Variants in CKAP4 observed in about 807,000 individuals in gnomAD.
The protein encoded by CKAP4 is cytoskeleton associated protein 4.
CKAP4 carries 20 observed loss-of-function variants against 24.4 expected under a neutral mutation model. That is an observed-to-expected ratio of 0.82 (90% CI 0.58 to 1.19). The LOEUF is 1.19. Ranked by LOEUF, CKAP4 falls within the 50% of genes most tolerant of loss-of-function variation. The pLI is 0.00. For synonymous variants in CKAP4, 378 were observed against 351.7 expected (o/e 1.07, Z -0.84); for missense variants, 744 against 765.3 (o/e 0.97, Z 0.33).
Position 106,239,288 on chromosome 12 carries a change from A to C in CKAP4, c.1545T>G (p.Ser515Arg). Residue 515 changes from serine to arginine, a missense_variant, in exon 2 of 2, where the codon AGT becomes AGG. Physicochemically the swap from Ser to Arg is moderately radical, Grantham distance 110 (BLOSUM62 -1). Around this residue, in one of 3 missense-constraint regions of CKAP4, gnomAD observed 401 missense variants for 424.5 expected, o/e 0.94. Transcript: ENST00000378026. This position sits in a 1 kb window ranked among gnomAD's most constrained non-coding sequence, Gnocchi z 4.9. ...GACGGGCGGCCTGGGCTTGGTCCTGACTGAGCAGCGTGTGCACCTGCTCCT... is the reference window on the plus strand; with the variant it reads ...GACGGGCGGCCTGGGCTTGGTCCTGCCTGAGCAGCGTGTGCACCTGCTCCT... ...KVQEQVHTLLSQDQAQAARLP... is the reference protein window; with the variant it reads ...KVQEQVHTLLRQDQAQAARLP... 6.2e-7 allele frequency: 1 copy of C among 1,612,280 alleles called. No homozygotes were observed. The highest frequency in any genetic ancestry group is 1.3e-5 in the African/African-American group (1 of 75,038).
rs2033921409 is a variant in CKAP4, at chr12:106,237,992, G to GGTTTT, written c.*1031_*1032insAAAAC. 4 of 70,512 alleles carry GGTTTT rather than the reference G, an allele frequency of 5.7e-5. No homozygotes were observed. Among genetic ancestry groups the GGTTTT allele is most frequent in the African/African-American group, 2.5e-4 (4 of 16,246 alleles). 4.4% of individuals were successfully genotyped at this position (70,512 alleles called of 1,614,324 possible). ...TTTTTTTTTTTTTTTTACTTTTCGGGTTTTTTTTTTTTTTTTTTTTTCAAT... is the reference window on the plus strand; with the variant it reads ...TTTTTTTTTTTTTTTTACTTTTCGGGGTTTTTTTTTTTTTTTTTTTTTTTTTCAAT... On this transcript the variant is annotated 3_prime_UTR_variant, in exon 2 of 2. Transcript: ENST00000378026.
intron 1 of CKAP4, among the ~76,000 whole-genome samples, chr12:106,240,739 T>C (rs1592897105): frequency 6.6e-6 from 1 of 151,188 alleles, no homozygotes; most frequent in Non-Finnish European, 1.5e-5. Context: ...GTCCCCATCA[T>C]GCAGAAGAGA....
chr12:106,247,353 G>A lies in CKAP4; in HGVS notation c.483+16C>T, dbSNP rs773158309. 1 of 1,519,000 alleles carries A rather than the reference G, an allele frequency of 6.6e-7. No individual in the cohort carries two copies. The highest frequency in any genetic ancestry group is 1.2e-5 in the South Asian group (1 of 83,198). The allele number at this position is 1,519,000 out of a possible 1,614,324, so 94.1% of individuals were successfully genotyped here. ...CCGCAGTCGATGGGGACAGTTGCGG[G>A]GCCGGGGGTACCCACCTTCTGCTCG... On this transcript the variant is annotated intron_variant, in intron 1 of 1. Transcript: ENST00000378026. The surrounding 1 kb of genome is among the most constrained non-coding windows in gnomAD (Gnocchi z 4.5).
intron 1 of CKAP4, chr12:106,246,972 A>G (rs779505009): frequency 1.1e-4 from 18 of 170,080 alleles, no homozygotes; most frequent in Non-Finnish European, 1.9e-4. Context: ...TTCCCTTCCA[A>G]CCTCCTTTTC....
chr12:106,239,180 T>C lies in CKAP4; in HGVS notation c.1653A>G (p.Lys551=). 1 of 1,614,154 alleles carries C rather than the reference T, an allele frequency of 6.2e-7. No individual in the cohort carries two copies. Among genetic ancestry groups the C allele is most frequent in the East Asian group, 2.2e-5 (1 of 44,888 alleles). ...ASVSQVEADL[K]MLRTAVDSLV... ...AACTGTCCACAGCAGTCCTGAGCAT[T>C]TTCAAGTCCGCCTCCACTTGGCTGA... is the stretch of plus-strand genomic sequence containing the variant. Residue 551 remains lysine, a synonymous_variant, in exon 2 of 2, where the codon AAA becomes AAG. Coordinates refer to ENST00000378026, the MANE Select transcript of CKAP4 (RefSeq NM_006825.4). This position sits in a 1 kb window ranked among gnomAD's most constrained non-coding sequence, Gnocchi z 4.9.
chr12:106,237,992 G>GTTTTTTTTTTTTTTTT lies in CKAP4; in HGVS notation c.*1016_*1031dup. The GTTTTTTTTTTTTTTTT allele has an allele frequency of 5.7e-5, 4 of 70,512 alleles. No homozygotes were observed. Among genetic ancestry groups the GTTTTTTTTTTTTTTTT allele is most frequent in the Non-Finnish European group, 7.2e-5 (3 of 41,606 alleles). 4.4% of individuals were successfully genotyped at this position (70,512 alleles called of 1,614,324 possible). On this transcript the variant is annotated 3_prime_UTR_variant, in exon 2 of 2. Transcript: ENST00000378026. ...TTTTTTTTTTTTTTTTACTTTTCGG[G>GTTTTTTTTTTTTTTTT]TTTTTTTTTTTTTTTTTTTTTCAAT...
At chr12:106,241,613 G>A (rs1025078865) in intron 1 of CKAP4, among the ~76,000 whole-genome samples, 4 of 152,122 alleles carry the variant, frequency 2.6e-5, no homozygotes, top group Admixed American at 1.3e-4. Context: ...GATTACAGGC[G>A]TGAGCCACCG....
chr12:106,245,637 C>T (rs1222119485), intron 1 of CKAP4: 3 of 147,212 alleles, frequency 2.0e-5, no homozygotes, highest in African/African-American at 5.1e-5. Context: ...CTCTGTTGCC[C>T]CGGCTGGGGT....
chr12:106,247,911 C>G lies in CKAP4; in HGVS notation c.-60G>C. 10 of 988,046 alleles carry G rather than the reference C, an allele frequency of 1.0e-5. No individual in the cohort carries two copies. The highest frequency in any genetic ancestry group is 1.2e-5 in the Non-Finnish European group (10 of 826,508). 61.2% of individuals were successfully genotyped at this position (988,046 alleles called of 1,614,324 possible). ...GAGGCGAGCGAGCGCGGCGCGCGGC[C>G]CGGGAAACTTGCAGGGGCTCCCCCG... On this transcript the variant is annotated 5_prime_UTR_variant, in exon 1 of 2. Coordinates refer to ENST00000378026, the MANE Select transcript of CKAP4 (RefSeq NM_006825.4). The surrounding 1 kb of genome is among the most constrained non-coding windows in gnomAD (Gnocchi z 4.5).
intron 1 of CKAP4, among the ~76,000 whole-genome samples, chr12:106,242,819 G>T (rs1272343717): frequency 6.6e-6 from 1 of 152,192 alleles, no homozygotes; most frequent in African/African-American, 2.4e-5. Context: ...TGATGAGCTG[G>T]TCCATGTCTC....
chr12:106,245,094 T>C (rs909999583), intron 1 of CKAP4, among the ~76,000 whole-genome samples: 3 of 152,166 alleles, frequency 2.0e-5, no homozygotes, highest in Non-Finnish European at 4.4e-5. Flanking sequence ...GACTCTGCCA[T>C]TGGCAGGGTA....
rs1592896886 is a variant in CKAP4, at chr12:106,240,174, T to C, written c.659A>G (p.His220Arg). ...CCGCTCCCGGGCGTCCTTCACCACATGGATCCCATCCGAGAGGTCTTTGAG... is the reference window on the plus strand; with the variant it reads ...CCGCTCCCGGGCGTCCTTCACCACACGGATCCCATCCGAGAGGTCTTTGAG... ...EILKDLSDGI[H>R]VVKDARERDF... is the part of the protein sequence containing the mutation. Residue 220 changes from histidine (H) to arginine (R), a missense_variant, in exon 2 of 2, where the codon CAT becomes CGT. Physicochemically the swap from His to Arg is conservative, Grantham distance 29 (BLOSUM62 0). This residue lies in a region of CKAP4 where 43 missense variants were observed against 76.4 expected (regional missense o/e 0.56). Coordinates refer to ENST00000378026, the MANE Select transcript of CKAP4 (RefSeq NM_006825.4). 6.2e-7 allele frequency: 1 copy of C among 1,614,236 alleles called. No individual in the cohort carries two copies. The highest frequency in any genetic ancestry group is 8.5e-7 in the Non-Finnish European group (1 of 1,180,038).
At chr12:106,242,058 G>C (rs1285093856) in intron 1 of CKAP4, among the ~76,000 whole-genome samples, 1 of 152,198 alleles carries the variant, frequency 6.6e-6, no homozygotes, top group Admixed American at 6.5e-5. Flanking sequence ...ACGGTCTCTG[G>C]AGCCAGACTG....
chr12:106,240,030 T>C lies in CKAP4; in HGVS notation c.803A>G (p.Asp268Gly). 1 of 1,614,152 alleles carries C rather than the reference T, an allele frequency of 6.2e-7. No individual in the cohort carries two copies. The highest frequency in any genetic ancestry group is 8.5e-7 in the Non-Finnish European group (1 of 1,180,028). The change falls in exon 2 of 2, where the codon GAC becomes GGC. Residue 268 changes from aspartate to glycine, a missense_variant. By Grantham distance (94) the Asp-to-Gly change is moderately conservative. Transcript: ENST00000378026. ...VQKRSQKEIN[D>G]MKAKVASLEE... ...CAGGGAGGCAACCTTTGCCTTCATGTCATTGATCTCCTTCTGGCTCCTCTT... is the reference window on the plus strand; with the variant it reads ...CAGGGAGGCAACCTTTGCCTTCATGCCATTGATCTCCTTCTGGCTCCTCTT...
Position 106,239,753 on chromosome 12 carries a change from C to T in CKAP4, c.1080G>A (p.Glu360=), listed in dbSNP as rs1565948439. ...CCTCCGGGAGGCGGGAGACGGACTC[C>T]TCAGACCTGAGAAGCTTCTCCGTGA... is the stretch of plus-strand genomic sequence containing the variant. The part of the protein sequence containing the change: ...QALTEKLLRS[E]ESVSRLPEEI... The change falls in exon 2 of 2, where the codon GAG becomes GAA. Residue 360 remains glutamate, a synonymous_variant. Coordinates refer to ENST00000378026, the MANE Select transcript of CKAP4 (RefSeq NM_006825.4). This position sits in a 1 kb window ranked among gnomAD's most constrained non-coding sequence, Gnocchi z 4.9. 1 of 1,614,086 alleles carries T rather than the reference C, an allele frequency of 6.2e-7. No individual in the cohort carries two copies. The highest frequency in any genetic ancestry group is 8.5e-7 in the Non-Finnish European group (1 of 1,180,024).
intron 1 of CKAP4, among the ~76,000 whole-genome samples, chr12:106,243,480 G>A (rs1022493071): frequency 6.6e-6 from 1 of 152,148 alleles, no homozygotes; most frequent in African/African-American, 2.4e-5. Flanking sequence ...AATATGACCA[G>A]GGAGCTCACT....
chr12:106,239,223 T>G lies in CKAP4; in HGVS notation c.1610A>C (p.Asp537Ala). Reference sequence around the variant, plus strand: ...TTGGCTGACTGAGGCTTTCAGGTTGTCTAGAGAAGAAAGTCTGTCCAGGAA... The same window carrying G: ...TTGGCTGACTGAGGCTTTCAGGTTGGCTAGAGAAGAAAGTCTGTCCAGGAA... ...QDFLDRLSSL[D>A]NLKASVSQVE... Residue 537 changes from aspartate to alanine, a missense_variant, in exon 2 of 2, where the codon GAC (aspartate) becomes GCC (alanine). Asp to Ala is a moderately radical substitution (Grantham distance 126, BLOSUM62 -2). This residue lies in a region of CKAP4 where 401 missense variants were observed against 424.5 expected (regional missense o/e 0.94). Coordinates refer to ENST00000378026, the MANE Select transcript of CKAP4 (RefSeq NM_006825.4). The surrounding 1 kb of genome is among the most constrained non-coding windows in gnomAD (Gnocchi z 4.9). 1 of 1,614,156 alleles carries G rather than the reference T, an allele frequency of 6.2e-7. No homozygotes were observed. The highest frequency in any genetic ancestry group is 1.1e-5 in the South Asian group (1 of 91,084).
rs750145170 is a variant in CKAP4, at chr12:106,247,620, TGCCGCCGCCGCCGCC to T, written c.217_231del (p.Gly73_Gly77del). ...GAGGCGGAGGAGGAGGAGGAGGACT[TGCCGCCGCCGCCGCC>T]GCCGCCGCGGTGGCCGCCCTTGCCG... On this transcript the variant is annotated inframe_deletion, in exon 1 of 2. Transcript: ENST00000378026. This position sits in a 1 kb window ranked among gnomAD's most constrained non-coding sequence, Gnocchi z 4.5. 4.1e-6 allele frequency: 4 copies of T among 981,836 alleles called. No individual in the cohort carries two copies. Among genetic ancestry groups the T allele is most frequent in the East Asian group, 6.2e-5 (1 of 16,118 alleles). 60.8% of individuals were successfully genotyped at this position (981,836 alleles called of 1,614,324 possible).
rs770753330 is a variant in CKAP4 at position 106,239,266 on chromosome 12, G to A, written c.1567C>T (p.Arg523Cys). The A allele has an allele frequency of 2.0e-5, 32 of 1,613,258 alleles. No individual in the cohort carries two copies. The highest frequency in any genetic ancestry group is 1.6e-4 in the Middle Eastern group (1 of 6,084). The change falls in exon 2 of 2, where the codon CGT becomes TGT. Residue 523 changes from arginine to cysteine, a missense_variant. Arg to Cys is a radical substitution (Grantham distance 180). Coordinates refer to ENST00000378026, the MANE Select transcript of CKAP4 (RefSeq NM_006825.4). The surrounding 1 kb of genome is among the most constrained non-coding windows in gnomAD (Gnocchi z 4.9). ...LLSQDQAQAA[R>C]LPPQDFLDRL... is the part of the protein sequence containing the mutation. The stretch of plus-strand genomic sequence containing the variant: ...TCCAGGAAGTCCTGAGGAGGCAGAC[G>A]GGCGGCCTGGGCTTGGTCCTGACTG...
Sources: allele counts gnomAD v4.1 joint callset (sites outside exome capture counted in the v4.1 genomes callset), GRCh38; gene constraint gnomAD v4.1.1; regional missense constraint gnomAD v4.1.1; non-coding constraint Gnocchi (gnomAD v3.1); transcripts MANE v1.5; gene names NCBI Gene and HGNC (gene_info 2026-07-23, HGNC 2026-07-21).